The following LRP1B variants were observed in gnomAD, a reference collection of about 807,000 sequenced individuals.
LRP1B encodes the protein low-density lipoprotein receptor-related protein 1B.
LRP1B carries 217 observed loss-of-function variants against 556.6 expected under a neutral mutation model. The ratio of observed to expected loss-of-function variants is 0.39; its 90% confidence interval spans 0.35 to 0.44. The LOEUF (loss-of-function observed/expected upper bound fraction) is 0.44. Ranked by LOEUF, LRP1B falls within the 20% of genes least tolerant of loss-of-function variation. LRP1B has a pLI of 1.00. For missense variants in LRP1B, 5,053 were observed against 5,620.8 expected (o/e 0.90, Z 3.23); for synonymous variants, 2,047 against 1,865.8 (o/e 1.10, Z -2.50).
At chr2:140,549,694 A>G (rs6430918) in intron 43 of LRP1B, among the ~76,000 whole-genome samples, 72,795 of 152,008 alleles carry the variant, frequency 0.48, 17,801 homozygotes, top group South Asian at 0.59. Context: ...CACGCTAGGT[A>G]CGCCTTTGCT....
chr2:140,485,942 A>C (rs142851086), intron 58 of LRP1B, among the ~76,000 whole-genome samples: 2 of 150,780 alleles, frequency 1.3e-5, no homozygotes, highest in East Asian at 3.9e-4. Context: ...AGCATTCCTC[A>C]CTCTCTCTAC....
At chr2:140,578,562 T>C (rs114353427) in intron 43 of LRP1B, among the ~76,000 whole-genome samples, 3,240 of 152,244 alleles carry the variant, frequency 0.021, 40 homozygotes, top group Middle Eastern at 0.061. Flanking sequence ...TTCCCCAAAA[T>C]ACCCAACTGG....
At chr2:141,415,984 C>T (rs756225397) in intron 3 of LRP1B, among the ~76,000 whole-genome samples, 2 of 152,158 alleles carry the variant, frequency 1.3e-5, no homozygotes, top group South Asian at 4.1e-4. Context: ...TTAAATTAAT[C>T]GCCAGACTAC....
intron 7 of LRP1B, among the ~76,000 whole-genome samples, chr2:141,099,853 C>G (rs1700415152): frequency 6.6e-6 from 1 of 152,068 alleles, no homozygotes; most frequent in Non-Finnish European, 1.5e-5. Context: ...TTTGTATTTT[C>G]TATAGTTTTT....
chr2:140,402,122 A>G (rs187591510), intron 66 of LRP1B, among the ~76,000 whole-genome samples: 8 of 152,302 alleles, frequency 5.3e-5, no homozygotes, highest in Non-Finnish European at 7.3e-5. Flanking sequence ...AGCAATAGCA[A>G]TCGCTGTAGC....
intron 2 of LRP1B, among the ~76,000 whole-genome samples, chr2:141,491,830 G>GT (rs1275592606): frequency 6.6e-6 from 1 of 151,892 alleles, no homozygotes; most frequent in Non-Finnish European, 1.5e-5. Flanking sequence ...AGAGGCATTT[G>GT]TTTTTTTCTT....
At chr2:140,748,377 A>T (rs1326776616) in intron 35 of LRP1B, among the ~76,000 whole-genome samples, 5 of 92,328 alleles carry the variant, frequency 5.4e-5, no homozygotes, top group Non-Finnish European at 1.0e-4. Context: ...ATATATGTAT[A>T]TATATTCATA....
At chr2:140,774,174 T>C (rs533975725) in intron 33 of LRP1B, among the ~76,000 whole-genome samples, 5 of 152,302 alleles carry the variant, frequency 3.3e-5, no homozygotes, top group African/African-American at 9.6e-5. Context: ...ATTCTGTTAA[T>C]GGGATTGTCT....
intron 82 of LRP1B, among the ~76,000 whole-genome samples, chr2:140,316,819 A>T (rs571022475): frequency 2.0e-5 from 3 of 152,284 alleles, no homozygotes; most frequent in African/African-American, 7.2e-5. Flanking sequence ...ACACATATAC[A>T]CAAATGAAAA....
chr2:141,468,827 T>G (rs955831211), intron 3 of LRP1B, among the ~76,000 whole-genome samples: 1 of 152,172 alleles, frequency 6.6e-6, no homozygotes, highest in African/African-American at 2.4e-5. Context: ...GAGTAAAAAT[T>G]GCTCTTTAGG....
At chr2:141,068,125 C>G (rs1699528781) in intron 7 of LRP1B, among the ~76,000 whole-genome samples, 1 of 151,956 alleles carries the variant, frequency 6.6e-6, no homozygotes, top group Admixed American at 6.6e-5. Flanking sequence ...ATTTAACGTT[C>G]TATTTTAAGA....
In LRP1B at chr2:140,323,966, T is replaced by G. The variant is rs766446368; in HGVS notation, c.12441A>C (p.Ser4147=). 6.1e-5 allele frequency: 98 copies of G among 1,604,744 alleles called. No homozygotes were observed. The highest frequency in any genetic ancestry group is 8.3e-5 in the Non-Finnish European group (97 of 1,172,036). Residue 4147 remains serine, a synonymous_variant, in exon 81 of 91, where the codon TCA becomes TCC. Coordinates refer to ENST00000389484, the MANE Select transcript of LRP1B (RefSeq NM_018557.3). ...VFRVQKFGHG[S]VEYLALNIDK... is the part of the protein sequence containing the mutation. ...CAATATTTAAAGCTAAGTACTCTAC[T>G]GAACCATGGCCAAATTTTTGAACTC...
At chr2:141,237,926 T>G (rs1158899008) in intron 5 of LRP1B, among the ~76,000 whole-genome samples, 1 of 152,156 alleles carries the variant, frequency 6.6e-6, no homozygotes, top group East Asian at 1.9e-4. Context: ...GGGGACTGTT[T>G]GAATATGAAC....
At chr2:141,498,360 T>TA (rs1456238934) in intron 2 of LRP1B, among the ~76,000 whole-genome samples, 14 of 151,290 alleles carry the variant, frequency 9.3e-5, no homozygotes, top group Non-Finnish European at 3.0e-5. Context: ...AAAATCCTTT[T>TA]TTTTTTTTTT....
At chr2:141,966,240 TAG>T (rs1701563399) in intron 1 of LRP1B, among the ~76,000 whole-genome samples, 2 of 151,882 alleles carry the variant, frequency 1.3e-5, no homozygotes, top group African/African-American at 4.8e-5. Flanking sequence ...AGAGGGAAAC[TAG>T]AGAGTCGTTT....
chr2:140,737,072 G>C (rs1426231810), intron 35 of LRP1B, among the ~76,000 whole-genome samples: 1 of 152,064 alleles, frequency 6.6e-6, no homozygotes, highest in Non-Finnish European at 1.5e-5. Flanking sequence ...AATAAACAAG[G>C]GAAGACAAGA....
chr2:141,545,861 C>T (rs2105221197), intron 2 of LRP1B, among the ~76,000 whole-genome samples: 1 of 152,150 alleles, frequency 6.6e-6, no homozygotes, highest in African/African-American at 2.4e-5. Context: ...AGATTTCCCC[C>T]ACATATTCCA....
At chr2:141,978,271 A>T (rs1303544253) in intron 1 of LRP1B, among the ~76,000 whole-genome samples, 1 of 152,036 alleles carries the variant, frequency 6.6e-6, no homozygotes, top group Non-Finnish European at 1.5e-5. Flanking sequence ...TAAAAAACCT[A>T]ATGTGATTTT....
intron 75 of LRP1B, among the ~76,000 whole-genome samples, chr2:140,355,399 A>G (rs643312): frequency 0.98 from 149,766 of 152,050 alleles, 73,791 homozygotes; most frequent in Middle Eastern, 1. Flanking sequence ...TCAGTCTCAT[A>G]GTAATGGAAC....
Sources: gnomAD v4.1 joint callset for allele counts (sites outside exome capture counted in the v4.1 genomes callset) on GRCh38, gnomAD v4.1.1 for gene constraint, MANE v1.5 for transcripts, NCBI Gene and HGNC (gene_info 2026-07-23, HGNC 2026-07-21) for gene names.